The following CPEB4 variants were observed in gnomAD, a reference collection of about 807,000 sequenced individuals.
The protein encoded by CPEB4 is cytoplasmic polyadenylation element binding protein 4.
In CPEB4, 12 loss-of-function variants were observed where a neutral mutation model predicts 72.5. The observed-to-expected ratio is 0.17, with a 90% CI of 0.11 to 0.27. CPEB4 has a LOEUF of 0.27. Among genes scored for constraint, CPEB4 ranks in the 10% least tolerant of loss-of-function variants. The pLI is 1.00. For missense variants in CPEB4, 614 were observed against 908.5 expected (o/e 0.68, Z 4.17); for synonymous variants, 302 against 326.3 (o/e 0.93, Z 0.80).
At chr5:173,944,833 A>G (rs1757961685) in intron 4 of CPEB4, 134 bp from the exon 5 acceptor site, 1 of 729,278 alleles carries the variant, frequency 1.4e-6, no homozygotes, top group Non-Finnish European at 2.3e-6. Context: ...GAGTATAGCT[A>G]AGTGTTTCTA....
At chr5:173,922,632 A>G (rs1428347216) in intron 2 of CPEB4, among the ~76,000 whole-genome samples, 1 of 152,210 alleles carries the variant, frequency 6.6e-6, no homozygotes, top group Non-Finnish European at 1.5e-5. Flanking sequence ...CTGGTTTCAT[A>G]CTGAAGTGTG....
chr5:173,923,963 T>C (rs1271728361), intron 2 of CPEB4, among the ~76,000 whole-genome samples: 1 of 152,162 alleles, frequency 6.6e-6, no homozygotes, highest in Non-Finnish European at 1.5e-5. Context: ...CTTAATTGGG[T>C]CAGCTTCTTA....
In CPEB4 at chr5:173,950,347, G is replaced by A. The variant is rs543287389; in HGVS notation, c.1665+269G>A. ...CGGCTGGGCATGGTGGCTCACACCT[G>A]TAATCCCAGCACTTTGGGAGGCCGA... On this transcript the variant is annotated intron_variant, in intron 7 of 9. Transcript: ENST00000265085. This position sits in a 1 kb window ranked among gnomAD's most constrained non-coding sequence, Gnocchi z 5.0. Among the ~76,000 whole-genome samples the A allele has an allele frequency of 5.9e-5, 9 of 152,316 alleles. No individual in the cohort carries two copies. The highest frequency in any genetic ancestry group is 3.9e-4 in the East Asian group (2 of 5,186).
chr5:173,927,378 G>C (rs2113223696), intron 2 of CPEB4, among the ~76,000 whole-genome samples: 1 of 152,302 alleles, frequency 6.6e-6, no homozygotes, highest in African/African-American at 2.4e-5. Context: ...TCCGAAGGGG[G>C]CTTTAATGTA....
chr5:173,935,004 G>A (rs1757572467), intron 3 of CPEB4, among the ~76,000 whole-genome samples: 1 of 152,160 alleles, frequency 6.6e-6, no homozygotes, highest in South Asian at 2.1e-4. Flanking sequence ...ATAATGAATT[G>A]TGCTTAGTGA....
In CPEB4 at chr5:173,890,974, A is replaced by G. The variant is rs1581102257; in HGVS notation, c.1125+116A>G. The G allele has an allele frequency of 5.1e-6, 5 of 974,376 alleles. No individual in the cohort carries two copies. The East Asian group carries it at 1.3e-4, about 26-fold the overall frequency. 60.4% of individuals were successfully genotyped at this position (974,376 alleles called of 1,614,324 possible). A position where few individuals can be genotyped will look rare whatever the true frequency, so the allele number is the denominator to read the frequency against. On this transcript the variant is annotated intron_variant, in intron 1 of 9. Coordinates refer to ENST00000265085, the MANE Select transcript of CPEB4 (RefSeq NM_030627.4). ...ACATCAGAGCTTTTCTTAGAGAGAA[A>G]ATGAATCAATAACCAGACTTTATTT...
At chr5:173,915,327 T>C (rs1756827966) in intron 2 of CPEB4, among the ~76,000 whole-genome samples, 1 of 152,188 alleles carries the variant, frequency 6.6e-6, no homozygotes, top group Non-Finnish European at 1.5e-5. Context: ...TAATTGCTTT[T>C]CTAAGAATTT....
At chr5:173,907,103 C>G (rs750332179) in intron 1 of CPEB4, among the ~76,000 whole-genome samples, 8 of 152,146 alleles carry the variant, frequency 5.3e-5, no homozygotes, top group Non-Finnish European at 8.8e-5. Context: ...CCCGTCTATA[C>G]TAAAAATACA....
intron 1 of CPEB4, among the ~76,000 whole-genome samples, chr5:173,901,473 CACTTTA>C (rs774635991): frequency 2.6e-5 from 4 of 152,148 alleles, no homozygotes; most frequent in Admixed American, 2.0e-4. Context: ...AGATAATTAC[CACTTTA>C]ACTTTAATCT....
At position 173,961,904 on chromosome 5, in the gene CPEB4, AT is replaced by A. The variant is rs1758562328; in HGVS notation, c.*5768del. 2 of 151,870 alleles carry A rather than the reference AT, an allele frequency of 1.3e-5. No individual in the cohort carries two copies. The highest frequency in any genetic ancestry group is 4.2e-4 in the South Asian group (2 of 4,816). 9.4% of individuals were successfully genotyped at this position (151,870 alleles called of 1,614,324 possible). On this transcript the variant is annotated 3_prime_UTR_variant, in exon 10 of 10. Transcript: ENST00000265085. ...CAAAACTCTAATATTTCAGACTGTG[AT>A]CTTCAGAGGACTAGGATAGTCCTTT...
chr5:173,954,379 C>A (rs1313234295), intron 9 of CPEB4, among the ~76,000 whole-genome samples: 3 of 152,054 alleles, frequency 2.0e-5, no homozygotes, highest in Non-Finnish European at 4.4e-5. Flanking sequence ...AACATGCCTA[C>A]TTTGTTTGTT....
chr5:173,904,129 T>C (rs1337752941), intron 1 of CPEB4, among the ~76,000 whole-genome samples: 3 of 152,222 alleles, frequency 2.0e-5, no homozygotes, highest in African/African-American at 7.2e-5. Context: ...ATTACTAAGC[T>C]CACATGTTCT....
chr5:173,931,345 A>G (rs935691818), intron 2 of CPEB4, among the ~76,000 whole-genome samples: 1 of 152,162 alleles, frequency 6.6e-6, no homozygotes, highest in Non-Finnish European at 1.5e-5. Flanking sequence ...GTTATTCCTT[A>G]GCTTTTGAGA....
chr5:173,920,691 C>T (rs1271363950), intron 2 of CPEB4, among the ~76,000 whole-genome samples: 1 of 152,160 alleles, frequency 6.6e-6, no homozygotes, highest in Non-Finnish European at 1.5e-5. Flanking sequence ...CTTTACATTA[C>T]CATCAGCAAT....
chr5:173,937,796 T>C (rs1433581278), intron 3 of CPEB4, among the ~76,000 whole-genome samples: 1 of 152,220 alleles, frequency 6.6e-6, no homozygotes. Flanking sequence ...AAACTAGAGT[T>C]GCATTCTCTG....
chr5:173,898,703 G>T (rs1332163425), intron 1 of CPEB4, among the ~76,000 whole-genome samples: 1 of 152,152 alleles, frequency 6.6e-6, no homozygotes, highest in Middle Eastern at 3.2e-3. Flanking sequence ...TTGAGACAAG[G>T]TCTCATTCTG....
At chr5:173,895,529 T>A (rs1308316585) in intron 1 of CPEB4, among the ~76,000 whole-genome samples, 1 of 152,230 alleles carries the variant, frequency 6.6e-6, no homozygotes, top group Non-Finnish European at 1.5e-5. Context: ...AGAACACTGC[T>A]GGAGTGCTTC....
rs775869639 is a variant in CPEB4 at position 173,888,837 on chromosome 5, G to T, written c.-897G>T. On this transcript the variant is annotated 5_prime_UTR_variant, in exon 1 of 10. Transcript: ENST00000265085. The surrounding 1 kb of genome is among the most constrained non-coding windows in gnomAD (Gnocchi z 4.3). ...CTTCCAGGTCGCCCCCTCGGTCCCC[G>T]CACCCCCAGGCCGCCCGCTCACCCT... The T allele has an allele frequency of 6.7e-5, 20 of 297,474 alleles. No individual in the cohort carries two copies. In the East Asian group the frequency reaches 1.0e-3, roughly 15 times the overall value. The allele number at this position is 297,474 out of a possible 1,614,324, so 18.4% of individuals were successfully genotyped here.
chr5:173,934,385 G>A (rs1033879018), intron 3 of CPEB4, among the ~76,000 whole-genome samples: 3 of 152,078 alleles, frequency 2.0e-5, no homozygotes, highest in Non-Finnish European at 4.4e-5. Flanking sequence ...TGTTGTATAC[G>A]TGGAAATTTT....
Sources: allele counts gnomAD v4.1 joint callset (sites outside exome capture counted in the v4.1 genomes callset), GRCh38; gene constraint gnomAD v4.1.1; non-coding constraint Gnocchi (gnomAD v3.1); transcripts MANE v1.5; gene names NCBI Gene and HGNC (gene_info 2026-07-23, HGNC 2026-07-21).